Variants in KAZN observed in about 807,000 individuals in gnomAD.
KAZN encodes the protein kazrin, periplakin interacting protein, also known as kazrin.
KAZN carries 40 observed loss-of-function variants against 87.4 expected under a neutral mutation model. That is an observed-to-expected ratio of 0.46 (90% CI 0.36 to 0.60). KAZN has a LOEUF of 0.60. Ranked by LOEUF, KAZN falls within the 20% of genes least tolerant of loss-of-function variation. The pLI is 0.00. For missense variants in KAZN, 898 were observed against 1,073.9 expected, an observed-to-expected ratio of 0.84 and a Z score of 2.29; for synonymous variants, 466 against 458.3, an observed-to-expected ratio of 1.02 and a Z score of -0.22.
chr1:14,136,490 C>T (rs750238206), intron 1 of KAZN, among the ~76,000 whole-genome samples: 3 of 152,124 alleles, frequency 2.0e-5, no homozygotes, highest in Non-Finnish European at 4.4e-5. Context: ...GCAAGCAGGA[C>T]GCTTTGTTGA....
chr1:14,468,471 C>T (rs892252305), intron 2 of KAZN, among the ~76,000 whole-genome samples: 14 of 152,174 alleles, frequency 9.2e-5, no homozygotes, highest in Admixed American at 1.3e-4. Flanking sequence ...ATCTAGCCAA[C>T]GTGCCCACTT....
At chr1:14,633,206 C>T (rs932428037) in intron 1 of KAZN, among the ~76,000 whole-genome samples, 8 of 152,094 alleles carry the variant, frequency 5.3e-5, no homozygotes, top group African/African-American at 1.4e-4. Flanking sequence ...TGTGAGCCAC[C>T]GCACCCGGCC....
intron 1 of KAZN, among the ~76,000 whole-genome samples, chr1:14,875,255 C>T (rs1350793685): frequency 3.4e-5 from 5 of 147,292 alleles, no homozygotes; most frequent in East Asian, 2.0e-4. Flanking sequence ...CACTTGAACC[C>T]GGGAGGCAGA....
At position 15,088,751 on chromosome 1, in the gene KAZN, G is replaced by A. The variant is rs192668980; in HGVS notation, c.1223-5429G>A. 6.2e-4 allele frequency among the ~76,000 whole-genome samples: 95 copies of A among 152,178 alleles called. 1 individual carries two copies. Among genetic ancestry groups the A allele is most frequent in the African/African-American group, 1.8e-3 (76 of 41,520 alleles). ...CCAAGCCCTTCTGTCACGTCGTCTC[G>A]TTGGTGCTCAGTCCTCAGGGGTGGG... On this transcript the variant is annotated intron_variant, in intron 8 of 14. Transcript: ENST00000376030.
intron 1 of KAZN, among the ~76,000 whole-genome samples, chr1:14,872,743 G>A (rs183387408): frequency 2.0e-5 from 3 of 152,198 alleles, no homozygotes; most frequent in Non-Finnish European, 2.9e-5. Flanking sequence ...TGCATGGATG[G>A]ATGGTTCGAT....
chr1:14,201,746 G>A (rs1319708536), intron 2 of KAZN, among the ~76,000 whole-genome samples: 3 of 152,230 alleles, frequency 2.0e-5, no homozygotes, highest in Non-Finnish European at 2.9e-5. Context: ...TCGGCTCACT[G>A]CAACCTCCGC....
chr1:13,983,663 T>A (rs1638866270), intron 1 of KAZN, among the ~76,000 whole-genome samples: 1 of 152,194 alleles, frequency 6.6e-6, no homozygotes, highest in Non-Finnish European at 1.5e-5. Context: ...AGTGGGAGCC[T>A]ACGCAGAGGA....
chr1:14,660,588 T>C (rs926821597), intron 1 of KAZN, among the ~76,000 whole-genome samples: 2 of 136,472 alleles, frequency 1.5e-5, no homozygotes, highest in Admixed American at 8.1e-5. Context: ...GCCACACGGC[T>C]GATCAGCACC....
At chr1:14,487,731 A>G (rs1428512378) in intron 2 of KAZN, among the ~76,000 whole-genome samples, 1 of 152,236 alleles carries the variant, frequency 6.6e-6, no homozygotes, top group Non-Finnish European at 1.5e-5. Flanking sequence ...GGTGGCTGCA[A>G]CTGAGGTGGT....
At chr1:14,876,347 T>A (rs1422229303) in intron 1 of KAZN, among the ~76,000 whole-genome samples, 2 of 152,234 alleles carry the variant, frequency 1.3e-5, no homozygotes, top group African/African-American at 2.4e-5. Flanking sequence ...TAGTAGCTGC[T>A]GTGGGCTCAT....
Position 14,096,833 on chromosome 1 carries a change from G to A in KAZN, c.92-83602G>A, listed in dbSNP as rs562199369. Among the ~76,000 whole-genome samples the A allele has an allele frequency of 2.5e-4, 38 of 152,264 alleles. No homozygotes were observed. In the South Asian group the frequency reaches 7.5e-3, roughly 30 times the overall value. Reference sequence around the variant, plus strand: ...TCAACGCTCCTTAAAACGGTAACAGGGAGCATCTGTATTTTAATGGAGATT... The same window carrying A: ...TCAACGCTCCTTAAAACGGTAACAGAGAGCATCTGTATTTTAATGGAGATT... On this transcript the variant is annotated intron_variant, in intron 1 of 16. Coordinates refer to the KAZN transcript ENST00000636203.
chr1:14,688,555 G>A (rs529442201), intron 1 of KAZN, among the ~76,000 whole-genome samples: 16 of 152,220 alleles, frequency 1.1e-4, no homozygotes, highest in Non-Finnish European at 1.9e-4. Flanking sequence ...ATTAGAATAT[G>A]GCATGGGCAA....
intron 2 of KAZN, among the ~76,000 whole-genome samples, chr1:14,358,652 T>G (rs998381865): frequency 3.9e-5 from 6 of 152,240 alleles, no homozygotes; most frequent in African/African-American, 1.4e-4. Context: ...TCAAATAACT[T>G]ATTTATTTCT....
intron 2 of KAZN, among the ~76,000 whole-genome samples, chr1:14,309,035 TG>T (rs1371159352): frequency 6.6e-6 from 1 of 152,222 alleles, no homozygotes; most frequent in Non-Finnish European, 1.5e-5. Context: ...GGAGTCTCAT[TG>T]CTAATTAAGC....
intron 1 of KAZN, among the ~76,000 whole-genome samples, chr1:14,028,713 G>T (rs1641192295): frequency 6.6e-6 from 1 of 152,126 alleles, no homozygotes; most frequent in African/African-American, 2.4e-5. Flanking sequence ...GTAAAAGCTA[G>T]CTCCTGTCCA....
chr1:14,148,957 A>G (rs1645410255), intron 1 of KAZN, among the ~76,000 whole-genome samples: 3 of 152,016 alleles, frequency 2.0e-5, no homozygotes, highest in Non-Finnish European at 4.4e-5. Flanking sequence ...TTGTCGGGTA[A>G]AGACTAGCTG....
intron 2 of KAZN, among the ~76,000 whole-genome samples, chr1:14,513,397 C>A (rs965589659): frequency 2.6e-5 from 4 of 152,286 alleles, no homozygotes; most frequent in Admixed American, 1.3e-4. Flanking sequence ...CCCAGGCTCA[C>A]TGGGTGGCTG....
intron 2 of KAZN, among the ~76,000 whole-genome samples, chr1:14,212,429 A>C (rs1646872129): frequency 6.6e-6 from 1 of 152,166 alleles, no homozygotes; most frequent in South Asian, 2.1e-4. Flanking sequence ...AAGCCTTTCA[A>C]AAAGACGACT....
At chr1:14,863,575 A>C (rs1340285151) in intron 1 of KAZN, among the ~76,000 whole-genome samples, 1 of 152,198 alleles carries the variant, frequency 6.6e-6, no homozygotes, top group African/African-American at 2.4e-5. Context: ...GGGGGATCAG[A>C]GAGGAATTGG....
Sources: gnomAD v4.1 joint callset for allele counts (sites outside exome capture counted in the v4.1 genomes callset) on GRCh38, gnomAD v4.1.1 for gene constraint, MANE v1.5 for transcripts, NCBI Gene and HGNC (gene_info 2026-07-23, HGNC 2026-07-21) for gene names.